Variants in TJP1 observed in about 807,000 individuals in gnomAD.
The protein encoded by TJP1 is tight junction protein 1, also known as tight junction protein ZO-1.
In TJP1, 43 loss-of-function variants were observed where a neutral mutation model predicts 194.2. The observed-to-expected ratio is 0.22, with a 90% CI of 0.17 to 0.29. The LOEUF is 0.29. Ranked by LOEUF, TJP1 falls within the 10% of genes least tolerant of loss-of-function variation. The pLI is 1.00. For missense variants in TJP1, 1,971 were observed against 2,185.7 expected (o/e 0.90, Z 1.96); for synonymous variants, 801 against 779.0 (o/e 1.03, Z -0.47).
chr15:29,701,561 G>C lies in TJP1; in HGVS notation c.*34C>G. 1.3e-6 allele frequency: 2 copies of C among 1,541,404 alleles called. No homozygotes were observed. The highest frequency in any genetic ancestry group is 2.2e-5 in the South Asian group (2 of 89,260). The stretch of plus-strand genomic sequence containing the variant: ...TTCCATTTAGATTAAGTTTAATCCA[G>C]TTTCACATTATTTAAGTTCCTATAT... On this transcript the variant is annotated 3_prime_UTR_variant, in exon 28 of 28. Coordinates refer to ENST00000614355, the MANE Select transcript of TJP1 (RefSeq NM_001330239.4).
chr15:29,832,026 A>G (rs918593130), intron 2 of TJP1, among the ~76,000 whole-genome samples: 1 of 152,196 alleles, frequency 6.6e-6, no homozygotes, highest in East Asian at 1.9e-4. Flanking sequence ...GTCAGCTAAA[A>G]TAGGTAGACT....
At chr15:29,819,326 T>C (rs1007864328) in intron 1 of TJP1, among the ~76,000 whole-genome samples, 1 of 151,910 alleles carries the variant, frequency 6.6e-6, no homozygotes, top group Non-Finnish European at 1.5e-5. Context: ...TATTCGTAGT[T>C]TTCCACCTTG....
chr15:29,897,611 C>A (rs1313896363), intron 2 of TJP1, among the ~76,000 whole-genome samples: 1 of 152,154 alleles, frequency 6.6e-6, no homozygotes, highest in Non-Finnish European at 1.5e-5. Context: ...GCCGCAAACA[C>A]CTGAATACCA....
At chr15:29,940,773 C>T (rs2055045058) in intron 2 of TJP1, among the ~76,000 whole-genome samples, 1 of 152,164 alleles carries the variant, frequency 6.6e-6, no homozygotes, top group East Asian at 1.9e-4. Flanking sequence ...TCATTCAACA[C>T]ACAGGAAAGC....
intron 2 of TJP1, among the ~76,000 whole-genome samples, chr15:29,791,413 C>CTTTTTTTTTTTT (rs34201715): frequency 2.0e-5 from 1 of 51,190 alleles, no homozygotes; most frequent in Non-Finnish European, 3.4e-5. Flanking sequence ...CCATAATATT[C>CTTTTTTTTTTTT]TTTTTTTTTT....
chr15:29,708,845 G>A lies in TJP1; in HGVS notation c.4564C>T (p.Pro1522Ser). The A allele has an allele frequency of 6.2e-7, 1 of 1,614,138 alleles. No homozygotes were observed. The highest frequency in any genetic ancestry group is 8.5e-7 in the Non-Finnish European group (1 of 1,180,022). The change falls in exon 25 of 28, where the codon CCA (proline) becomes TCA (serine). Residue 1522 changes from proline to serine, a missense_variant. Physicochemically the swap from Pro to Ser is moderately conservative, Grantham distance 74. This residue lies in a region of TJP1 where 1,108 missense variants were observed against 1,128.5 expected (regional missense o/e 0.98). Coordinates refer to ENST00000614355, the MANE Select transcript of TJP1 (RefSeq NM_001330239.4). The part of the protein sequence containing the change: ...GTEQTQKTVT[P>S]AYNRFTPKPY... ...TTTGGTGTGAATCGATTGTATGCTG[G>A]AGTGACTGTTTTCTGAGTCTGTTCA...
intron 8 of TJP1, among the ~76,000 whole-genome samples, chr15:29,751,019 T>C (rs143541843): frequency 7.6e-4 from 116 of 152,332 alleles, no homozygotes; most frequent in African/African-American, 2.6e-3. Context: ...GAAGGCACAC[T>C]CCAGTTTCAT....
chr15:29,713,183 G>A (rs1434460049), intron 23 of TJP1, among the ~76,000 whole-genome samples: 1 of 152,224 alleles, frequency 6.6e-6, no homozygotes, highest in Non-Finnish European at 1.5e-5. Context: ...CACATAGTGA[G>A]TTGAGTCCTG....
At chr15:29,919,782 T>C (rs1350950420) in intron 2 of TJP1, among the ~76,000 whole-genome samples, 1 of 152,196 alleles carries the variant, frequency 6.6e-6, no homozygotes, top group Non-Finnish European at 1.5e-5. Context: ...TCCCAGCCTG[T>C]TCATTTCTTC....
intron 2 of TJP1, among the ~76,000 whole-genome samples, chr15:29,886,828 C>T (rs537035639): frequency 3.3e-5 from 5 of 151,540 alleles, no homozygotes; most frequent in Non-Finnish European, 5.9e-5. Context: ...GTCATGGGCT[C>T]GGTGGTAAAG....
chr15:29,820,633 C>G, intron 1 of TJP1: 2 of 713,436 alleles, frequency 2.8e-6, no homozygotes, highest in South Asian at 3.0e-5. Flanking sequence ...ACTTCAGGAA[C>G]AAAGTGACAT....
chr15:29,857,918 T>C (rs1237736219), intron 2 of TJP1, among the ~76,000 whole-genome samples: 2 of 152,120 alleles, frequency 1.3e-5, no homozygotes, highest in African/African-American at 2.4e-5. Flanking sequence ...CCAGTCACCA[T>C]GCCTGGCTAA....
chr15:29,953,933 C>G (rs533789504), intron 2 of TJP1, among the ~76,000 whole-genome samples: 1 of 152,186 alleles, frequency 6.6e-6, no homozygotes, highest in African/African-American at 2.4e-5. Flanking sequence ...AACCATTACA[C>G]CAGAACATAC....
chr15:29,805,673 C>A (rs972549746), intron 1 of TJP1, among the ~76,000 whole-genome samples: 43 of 152,114 alleles, frequency 2.8e-4, no homozygotes, highest in African/African-American at 9.2e-4. Flanking sequence ...GCAAAAATAA[C>A]TGCAGCTTTT....
At chr15:29,799,178 G>C (rs758433004) in intron 2 of TJP1, among the ~76,000 whole-genome samples, 1 of 151,890 alleles carries the variant, frequency 6.6e-6, no homozygotes, top group Non-Finnish European at 1.5e-5. Context: ...AAAAATAAAT[G>C]TAATATGATA....
chr15:29,965,281 C>T (rs543463055), intron 1 of TJP1, among the ~76,000 whole-genome samples: 1 of 151,992 alleles, frequency 6.6e-6, no homozygotes, highest in Non-Finnish European at 1.5e-5. Flanking sequence ...ACAATCTCGG[C>T]TCACTGCAAC....
intron 2 of TJP1, among the ~76,000 whole-genome samples, chr15:29,883,986 A>T (rs1276330078): frequency 6.6e-6 from 1 of 152,212 alleles, no homozygotes; most frequent in Non-Finnish European, 1.5e-5. Context: ...GAATTCTTAG[A>T]AGGTAAAAAT....
chr15:29,801,523 G>A (rs1052710558), intron 1 of TJP1, among the ~76,000 whole-genome samples: 9 of 149,902 alleles, frequency 6.0e-5, no homozygotes, highest in East Asian at 5.9e-4. Context: ...GTGCAGTGGC[G>A]GGATCTCGGC....
chr15:29,742,804 A>C, intron 8 of TJP1, 23 bp from the exon 9 acceptor site: 1 of 1,564,070 alleles, frequency 6.4e-7, no homozygotes, highest in Non-Finnish European at 8.6e-7. Context: ...AAAATAAAAA[A>C]TCAAGAGCAT....
Sources: allele counts gnomAD v4.1 joint callset (sites outside exome capture counted in the v4.1 genomes callset), GRCh38; gene constraint gnomAD v4.1.1; regional missense constraint gnomAD v4.1.1; transcripts MANE v1.5; gene names NCBI Gene and HGNC (gene_info 2026-07-23, HGNC 2026-07-21).